Variants in SLC5A4 observed in about 807,000 individuals in gnomAD.
SLC5A4 encodes the protein probable glucose sensor protein SLC5A4.
Under a neutral mutation model 70.3 loss-of-function variants are expected in SLC5A4, and 55 were observed. The ratio of observed to expected loss-of-function variants is 0.78; its 90% confidence interval spans 0.63 to 0.98. SLC5A4 has a LOEUF of 0.98. Among genes scored for constraint, SLC5A4 ranks in the 50% least tolerant of loss-of-function variants. SLC5A4 has a pLI of 0.00. For synonymous variants in SLC5A4, 268 were observed against 305.7 expected (o/e 0.88, Z 1.29); for missense variants, 735 against 839.2 (o/e 0.88, Z 1.53).
the SLC5A4 span, among the ~76,000 whole-genome samples, chr22:32,328,540 C>T: frequency 5.3e-3 from 806 of 152,226 alleles, 6 homozygotes; most frequent in Non-Finnish European, 8.2e-3. Flanking sequence ...CAACTGACAA[C>T]GCCAACCAAC....
At chr22:32,236,022 A>G (rs1926038500) in intron 7 of SLC5A4, among the ~76,000 whole-genome samples, 1 of 152,224 alleles carries the variant, frequency 6.6e-6, no homozygotes, top group Admixed American at 6.5e-5. Context: ...CCCCCTCTTC[A>G]TCCTAAAGAT....
Position 32,255,254 on chromosome 22 carries a change from C to T in SLC5A4, c.76G>A (p.Ala26Thr). 1 of 1,614,064 alleles carries T rather than the reference C, an allele frequency of 6.2e-7. No individual in the cohort carries two copies. Residue 26 changes from alanine (A) to threonine (T), a missense_variant, in exon 1 of 15, where the codon GCT becomes ACT. By Grantham distance (58) the Ala-to-Thr change is moderately conservative (BLOSUM62 0). Transcript: ENST00000266086. ...PPPLSDHIRN[A>T]ADISVIVIYF... The stretch of plus-strand genomic sequence containing the variant: ...ATGACAATGACTGAGATGTCAGCAG[C>T]ATTTCGGATGTGGTCAGACAATGGA...
intron 13 of SLC5A4, among the ~76,000 whole-genome samples, chr22:32,223,163 T>C (rs1480281627): frequency 1.3e-5 from 2 of 152,200 alleles, no homozygotes; most frequent in Non-Finnish European, 2.9e-5. Flanking sequence ...TAATGTTCAG[T>C]GCCCTGTGTT....
the SLC5A4 span, among the ~76,000 whole-genome samples, chr22:32,353,987 C>T: frequency 9.3e-4 from 140 of 151,002 alleles, no homozygotes; most frequent in African/African-American, 3.3e-3. Context: ...GCAGTACAGC[C>T]ACAGATAGCG....
upstream of SLC5A4, among the ~76,000 whole-genome samples, chr22:32,256,959 C>G (rs1044183982): frequency 6.6e-6 from 1 of 152,196 alleles, no homozygotes; most frequent in Non-Finnish European, 1.5e-5. Context: ...TGTGATAATT[C>G]TGTGTTTAAC....
rs1474263077 is a variant in SLC5A4, at chr22:32,241,803, G to GTGTGTGTA, written c.478-2714_478-2713insTACACACA. Among the ~76,000 whole-genome samples the GTGTGTGTA allele has an allele frequency of 2.4e-3, 348 of 148,016 alleles. 3 individuals are homozygous for GTGTGTGTA. Among genetic ancestry groups the GTGTGTGTA allele is most frequent in the African/African-American group, 2.8e-3 (109 of 39,326 alleles). On this transcript the variant is annotated intron_variant, in intron 5 of 14. Transcript: ENST00000266086. Reference sequence around the variant, plus strand: ...TGTGTGTGTGTGTGTGTGTGTGTGTGTATATATATCTGTATGTGTGTGTGT... The same window carrying GTGTGTGTA: ...TGTGTGTGTGTGTGTGTGTGTGTGTGTGTGTGTATATATATATCTGTATGTGTGTGTGT...
At chr22:32,312,935 T>G in the SLC5A4 span, among the ~76,000 whole-genome samples, 4 of 152,156 alleles carry the variant, frequency 2.6e-5, no homozygotes, top group African/African-American at 9.7e-5. Context: ...TCTGAACACA[T>G]GGGTTTTGTC....
chr22:32,263,799 CA>C, the SLC5A4 span, among the ~76,000 whole-genome samples: 1 of 152,102 alleles, frequency 6.6e-6, no homozygotes, highest in Non-Finnish European at 1.5e-5. Context: ...GGAACCAACC[CA>C]AATGCCCATC....
chr22:32,330,847 G>C, the SLC5A4 span, among the ~76,000 whole-genome samples: 1 of 128,466 alleles, frequency 7.8e-6, no homozygotes, highest in Non-Finnish European at 1.6e-5. Context: ...TGTGTTGGGG[G>C]CTCTGGTGTG....
the SLC5A4 span, among the ~76,000 whole-genome samples, chr22:32,282,868 G>A: frequency 1.3e-5 from 2 of 152,088 alleles, no homozygotes; most frequent in South Asian, 2.1e-4. Flanking sequence ...CAGCGCATCC[G>A]GGATCTGATG....
the SLC5A4 span, chr22:32,273,216 A>G: frequency 2.9e-6 from 1 of 347,994 alleles, no homozygotes; most frequent in Admixed American, 3.8e-5. Flanking sequence ...GATACTATGT[A>G]TCAAGAATCT....
At chr22:32,304,979 C>T in the SLC5A4 span, among the ~76,000 whole-genome samples, 58 of 152,100 alleles carry the variant, frequency 3.8e-4, no homozygotes, top group Non-Finnish European at 7.5e-4. Context: ...CTTGAAAAGA[C>T]TATTTTTTCC....
chr22:32,289,449 TGATGGTTTTA>T, the SLC5A4 span, among the ~76,000 whole-genome samples: 3 of 152,198 alleles, frequency 2.0e-5, no homozygotes, highest in Non-Finnish European at 2.9e-5. Context: ...TCAGGAGATC[TGATGGTTTTA>T]TAAGGGGCTG....
the SLC5A4 span, among the ~76,000 whole-genome samples, chr22:32,319,689 A>G: frequency 6.6e-6 from 1 of 152,178 alleles, no homozygotes; most frequent in South Asian, 2.1e-4. Context: ...AGATAAACCC[A>G]AGGCTGAATC....
At position 32,234,996 on chromosome 22, in the gene SLC5A4, A is replaced by C. The variant is rs778252889; in HGVS notation, c.762T>G (p.Ser254Arg). Residue 254 changes from serine to arginine, a missense_variant, in exon 8 of 15, where the codon AGT (serine) becomes AGG (arginine). Physicochemically the swap from Ser to Arg is moderately radical, Grantham distance 110. Transcript: ENST00000266086. ...VEGDNLTISA[S>R]CYTPRADSFH... ...AGGAGTCCGCCCGAGGTGTGTAGCAACTGGCACTGATTGTCAAGTTGTCCC... is the reference window on the plus strand; with the variant it reads ...AGGAGTCCGCCCGAGGTGTGTAGCACCTGGCACTGATTGTCAAGTTGTCCC... 6.2e-7 allele frequency: 1 copy of C among 1,613,578 alleles called. No individual in the cohort carries two copies. The highest frequency in any genetic ancestry group is 1.1e-5 in the South Asian group (1 of 91,060).
At chr22:32,218,848 A>C in intron 14 of SLC5A4, 123 bp from the exon 15 acceptor site, 1 of 658,850 alleles carries the variant, frequency 1.5e-6, no homozygotes, top group Non-Finnish European at 2.5e-6. Flanking sequence ...GTTAAGAGGA[A>C]TCCCTGAGAA....
chr22:32,251,445 C>T (rs530609007), intron 3 of SLC5A4, among the ~76,000 whole-genome samples: 1 of 151,882 alleles, frequency 6.6e-6, no homozygotes, highest in East Asian at 1.9e-4. Context: ...GAGTTTCACC[C>T]TCTCCTCCCC....
At chr22:32,241,733 T>G (rs1362523139) in intron 5 of SLC5A4, among the ~76,000 whole-genome samples, 2 of 151,958 alleles carry the variant, frequency 1.3e-5, no homozygotes, top group African/African-American at 4.8e-5. Flanking sequence ...AAACCATTTT[T>G]GATGCATTAT....
At chr22:32,227,655 C>A (rs558383352) in intron 11 of SLC5A4, among the ~76,000 whole-genome samples, 1 of 152,208 alleles carries the variant, frequency 6.6e-6, no homozygotes, top group Non-Finnish European at 1.5e-5. Flanking sequence ...AGCCATATTT[C>A]GGCAGGTGGG....
Sources: allele counts gnomAD v4.1 joint callset (sites outside exome capture counted in the v4.1 genomes callset), GRCh38; gene constraint gnomAD v4.1.1; transcripts MANE v1.5; gene names NCBI Gene and HGNC (gene_info 2026-07-23, HGNC 2026-07-21).